The following PCDHA3 variants were observed in gnomAD, a reference collection of about 807,000 sequenced individuals.
The protein encoded by PCDHA3 is protocadherin alpha-3.
In PCDHA3, 41 loss-of-function variants were observed where a neutral mutation model predicts 62.2. The observed-to-expected ratio is 0.66, with a 90% confidence interval of 0.51 to 0.86. The LOEUF is 0.86. Among genes scored for constraint, PCDHA3 ranks in the 40% least tolerant of loss-of-function variants. PCDHA3 has a pLI of 0.00. For missense variants in PCDHA3, 1,304 were observed against 1,241.2 expected, an observed-to-expected ratio of 1.05 and a Z score of -0.76; for synonymous variants, 640 against 555.4, an observed-to-expected ratio of 1.15 and a Z score of -2.14.
At chr5:140,843,318 T>C (rs2150190993) in intron 1 of PCDHA3, 3 of 1,596,010 alleles carry the variant, frequency 1.9e-6, no homozygotes, top group East Asian at 2.2e-5. Flanking sequence ...GCCACGGTTC[T>C]GGTGTCGCTG....
chr5:141,007,366 CATG>C (rs1319534619), intron 3 of PCDHA3, among the ~76,000 whole-genome samples: 13 of 118,904 alleles, frequency 1.1e-4, no homozygotes, highest in Admixed American at 7.7e-4. Flanking sequence ...GCCTGGGCAA[CATG>C]ATGGAACACC....
At chr5:140,901,439 A>G (rs2068668793) in intron 1 of PCDHA3, among the ~76,000 whole-genome samples, 1 of 152,164 alleles carries the variant, frequency 6.6e-6, no homozygotes, top group South Asian at 2.1e-4. Flanking sequence ...ATGGATATCT[A>G]GTTTCCCAGC....
chr5:140,919,613 A>G (rs993064588), intron 1 of PCDHA3, among the ~76,000 whole-genome samples: 1 of 152,270 alleles, frequency 6.6e-6, no homozygotes, highest in South Asian at 2.1e-4. Context: ...TTTAAACTGT[A>G]TCTTTTGAGT....
rs201735874 is a variant in PCDHA3, at chr5:140,821,856, C to A, written c.2394+18265C>A. On this transcript the variant is annotated intron_variant, in intron 1 of 3. Coordinates refer to ENST00000522353, the MANE Select transcript of PCDHA3 (RefSeq NM_018906.3). ...TCCTTGCCTACTGGAAGGCAGGGAG[C>A]GGCCAGCTCCACTACTCGATCCCGG... The A allele has an allele frequency of 5.5e-5, 88 of 1,614,042 alleles. No homozygotes were observed. The highest frequency in any genetic ancestry group is 1.9e-4 in the South Asian group (17 of 91,076).
intron 3 of PCDHA3, among the ~76,000 whole-genome samples, chr5:140,985,922 G>A (rs1361292887): frequency 6.6e-6 from 1 of 151,826 alleles, no homozygotes; most frequent in African/African-American, 2.4e-5. Flanking sequence ...TGTATTTTTA[G>A]TAGAGCCGGG....
At chr5:141,007,227 A>G (rs1458505596) in intron 3 of PCDHA3, among the ~76,000 whole-genome samples, 1 of 151,972 alleles carries the variant, frequency 6.6e-6, no homozygotes, top group Non-Finnish European at 1.5e-5. Flanking sequence ...CAAAATAAGA[A>G]GGATTGTTGA....
intron 1 of PCDHA3, chr5:140,805,243 T>A (rs1763533232): frequency 7.6e-7 from 1 of 1,318,374 alleles, no homozygotes. Flanking sequence ...TCCCCATCTG[T>A]ACATTAAAAT....
intron 3 of PCDHA3, among the ~76,000 whole-genome samples, chr5:141,007,846 A>G (rs1368916424): frequency 6.6e-6 from 1 of 152,176 alleles, no homozygotes. Flanking sequence ...TAGAGACTCA[A>G]AGTCCTTAAA....
At chr5:140,969,294 T>C in intron 1 of PCDHA3, 2 of 1,614,212 alleles carry the variant, frequency 1.2e-6, no homozygotes, top group Non-Finnish European at 1.7e-6. Context: ...GCTGGGAACC[T>C]GATTATTCTC....
At chr5:140,835,895 G>T in intron 1 of PCDHA3, 1 of 1,612,076 alleles carries the variant, frequency 6.2e-7, no homozygotes, top group Non-Finnish European at 8.5e-7. Flanking sequence ...AGCGCGCGCT[G>T]TCGAGCTACG....
chr5:140,824,056 G>A, intron 1 of PCDHA3: 2 of 1,614,176 alleles, frequency 1.2e-6, no homozygotes, highest in Non-Finnish European at 1.7e-6. Flanking sequence ...GTGCTCTGGG[G>A]AAGCTCCACC....
At chr5:140,983,517 G>A (rs1475712929) in intron 3 of PCDHA3, among the ~76,000 whole-genome samples, 2 of 152,196 alleles carry the variant, frequency 1.3e-5, no homozygotes, top group African/African-American at 4.8e-5. Flanking sequence ...TAGACACTGT[G>A]CCAAGTACAT....
At chr5:140,937,933 A>T (rs1452935525) in intron 1 of PCDHA3, among the ~76,000 whole-genome samples, 1 of 151,854 alleles carries the variant, frequency 6.6e-6, no homozygotes, top group Non-Finnish European at 1.5e-5. Flanking sequence ...AAAAAGTTTA[A>T]TTTGATAATT....
intron 1 of PCDHA3, chr5:140,822,712 A>G (rs1374875942): frequency 2.5e-6 from 4 of 1,610,830 alleles, no homozygotes; most frequent in African/African-American, 2.7e-5. Flanking sequence ...TGAAGACTAT[A>G]ACTCATATGA....
chr5:140,928,106 G>GGGA lies in PCDHA3; in HGVS notation c.2395-50841_2395-50839dup, dbSNP rs2084940814. The stretch of plus-strand genomic sequence containing the variant: ...CTGCTGATTGATGGGCCCCTGGACC[G>GGGA]GGAGCAGATCAGTGAATACCAAGTC... On this transcript the variant is annotated intron_variant, in intron 1 of 3. Coordinates refer to ENST00000522353, the MANE Select transcript of PCDHA3 (RefSeq NM_018906.3). The GGGA allele has an allele frequency of 1.9e-6, 3 of 1,614,032 alleles. No individual in the cohort carries two copies. In the South Asian group the frequency reaches 3.3e-5, roughly 18 times the overall value.
At position 140,834,385 on chromosome 5, in the gene PCDHA3, T is replaced by G. The variant is rs200135571; in HGVS notation, c.2394+30794T>G. The G allele has an allele frequency of 5.7e-5, 89 of 1,568,318 alleles. No homozygotes were observed. In the African/African-American group the frequency reaches 1.1e-3, roughly 20 times the overall value. On this transcript the variant is annotated intron_variant, in intron 1 of 3. Transcript: ENST00000522353. ...AGAAAAACAAGCCAATAATTTGAAA[T>G]GGTGTGCCCGAATGGATACGACCCA...
chr5:141,001,825 CAG>C (rs1244261427), intron 3 of PCDHA3, among the ~76,000 whole-genome samples: 1 of 151,674 alleles, frequency 6.6e-6, no homozygotes, highest in Non-Finnish European at 1.5e-5. Flanking sequence ...CAAATTCTGA[CAG>C]AGAGGGAGAC....
intron 1 of PCDHA3, among the ~76,000 whole-genome samples, chr5:140,937,563 G>T (rs986469529): frequency 2.0e-5 from 3 of 151,960 alleles, no homozygotes; most frequent in African/African-American, 7.3e-5. Flanking sequence ...GTTGCAGTGA[G>T]CTGGGATCGC....
intron 1 of PCDHA3, among the ~76,000 whole-genome samples, chr5:140,916,814 G>A (rs1201189287): frequency 3.3e-5 from 5 of 152,112 alleles, no homozygotes; most frequent in African/African-American, 1.2e-4. Context: ...TAGGTCATGT[G>A]CCACCCCTAT....
Sources: allele counts gnomAD v4.1 joint callset (sites outside exome capture counted in the v4.1 genomes callset), GRCh38; gene constraint gnomAD v4.1.1; transcripts MANE v1.5; gene names NCBI Gene and HGNC (gene_info 2026-07-23, HGNC 2026-07-21).